The following TAF15 variants were observed in gnomAD, a reference collection of about 807,000 sequenced individuals.
TAF15 encodes TATA-box binding protein associated factor 15, also known as TATA-binding protein-associated factor 2N.
A neutral mutation model predicts 102.5 loss-of-function variants in TAF15; 37 were observed. The ratio of observed to expected loss-of-function variants is 0.36; its 90% confidence interval spans 0.28 to 0.47. The LOEUF (loss-of-function observed/expected upper bound fraction) is 0.47. Among genes scored for constraint, TAF15 ranks in the 20% least tolerant of loss-of-function variants. The pLI is 0.99. For missense variants in TAF15, 652 were observed against 760.7 expected, an observed-to-expected ratio of 0.86 and a Z score of 1.68; for synonymous variants, 273 against 259.2, an observed-to-expected ratio of 1.05 and a Z score of -0.51.
intron 11 of TAF15, among the ~76,000 whole-genome samples, chr17:35,842,000 T>C (rs918491660): frequency 2.0e-5 from 3 of 152,070 alleles, no homozygotes; most frequent in African/African-American, 7.2e-5. Flanking sequence ...ACCTGGCCTT[T>C]TTCTCCACCC....
chr17:35,826,910 C>T (rs1041932101), intron 7 of TAF15, among the ~76,000 whole-genome samples: 16 of 151,300 alleles, frequency 1.1e-4, no homozygotes, highest in Admixed American at 7.9e-4. Context: ...TTTTATGTGT[C>T]ATAACATCTT....
intron 1 of TAF15, among the ~76,000 whole-genome samples, chr17:35,812,733 G>A (rs563799665): frequency 9.9e-5 from 15 of 152,104 alleles, no homozygotes; most frequent in African/African-American, 3.1e-4. Context: ...ACTGAAATGA[G>A]AGTCAATGAC....
rs4251750 is a variant in TAF15, at chr17:35,823,466, G to A, written c.485-612G>A. Reference sequence around the variant, plus strand: ...TGTAATCCCAGCATTTTGGGAGGCCGAGGTGGGCAGATCACGAGGTCAGGA... The same window carrying A: ...TGTAATCCCAGCATTTTGGGAGGCCAAGGTGGGCAGATCACGAGGTCAGGA... On this transcript the variant is annotated intron_variant, in intron 6 of 15. Coordinates refer to ENST00000605844, the MANE Select transcript of TAF15 (RefSeq NM_139215.3). 698 of 167,614 alleles carry A rather than the reference G, an allele frequency of 4.2e-3. 5 individuals carry two copies. The highest frequency in any genetic ancestry group is 6.1e-3 in the South Asian group (41 of 6,678). The allele number at this position is 167,614 out of a possible 1,614,324, so 10.4% of individuals were successfully genotyped here.
chr17:35,825,150 C>T (rs2087310219), intron 7 of TAF15, among the ~76,000 whole-genome samples: 1 of 152,190 alleles, frequency 6.6e-6, no homozygotes, highest in Non-Finnish European at 1.5e-5. Context: ...ACCAGTTGCC[C>T]ACAGACTGTT....
chr17:35,832,157 G>C (rs935587579), intron 7 of TAF15, among the ~76,000 whole-genome samples: 5 of 152,188 alleles, frequency 3.3e-5, no homozygotes, highest in Non-Finnish European at 7.3e-5. Context: ...TCTCAACTCT[G>C]TTGGCTTCCC....
Position 35,822,950 on chromosome 17 carries a change from G to A in TAF15, c.484+117G>A, listed in dbSNP as rs539614087. On this transcript the variant is annotated intron_variant, in intron 6 of 15. Transcript: ENST00000605844. ...GTTTGTAAAAATTTAGGGTAACCTT[G>A]AAGATATGTTCCCTCTCATGGTAAT... The A allele has an allele frequency of 3.6e-5, 44 of 1,234,366 alleles. 1 individual carries two copies. In the African/African-American group the frequency reaches 6.2e-4, roughly 17 times the overall value. The allele number at this position is 1,234,366 out of a possible 1,614,324, so 76.5% of individuals were successfully genotyped here.
chr17:35,826,121 A>G (rs1403864778), intron 7 of TAF15, among the ~76,000 whole-genome samples: 1 of 152,202 alleles, frequency 6.6e-6, no homozygotes, highest in South Asian at 2.1e-4. Context: ...CATACTTCAT[A>G]TAATTTGTGG....
At chr17:35,814,689 T>C (rs1032894715) in intron 1 of TAF15, among the ~76,000 whole-genome samples, 9 of 151,676 alleles carry the variant, frequency 5.9e-5, no homozygotes, top group Admixed American at 2.6e-4. Flanking sequence ...TCCATCTCTA[T>C]TAAAAATACA....
At chr17:35,833,424 T>C (rs1260911207) in intron 7 of TAF15, 1 of 154,270 alleles carries the variant, frequency 6.5e-6, no homozygotes, top group Non-Finnish European at 1.4e-5. Flanking sequence ...AAAATTCATC[T>C]CATAAAATCC....
chr17:35,834,507 T>G, intron 8 of TAF15, 59 bp from the exon 9 acceptor site: 3 of 1,543,892 alleles, frequency 1.9e-6, no homozygotes, highest in Non-Finnish European at 2.7e-6. Context: ...CTATTTTTTT[T>G]GTTAATGATT....
chr17:35,814,466 CT>C (rs1049993316), intron 1 of TAF15, among the ~76,000 whole-genome samples: 1 of 151,876 alleles, frequency 6.6e-6, no homozygotes, highest in African/African-American at 2.4e-5. Flanking sequence ...CTGCACCCAG[CT>C]GATTTTTTTT....
chr17:35,831,722 C>T (rs4796112), intron 7 of TAF15, among the ~76,000 whole-genome samples: 21,409 of 152,074 alleles, frequency 0.14, 1,723 homozygotes, highest in East Asian at 0.22. Context: ...TCTTTATCCT[C>T]GGAACTTTAA....
chr17:35,841,843 G>T (rs537287123), intron 11 of TAF15, among the ~76,000 whole-genome samples: 20 of 152,022 alleles, frequency 1.3e-4, no homozygotes, highest in African/African-American at 4.8e-4. Flanking sequence ...GACTACAGGC[G>T]CATGCCACCA....
At chr17:35,826,985 CTGTTT>C (rs894524993) in intron 7 of TAF15, among the ~76,000 whole-genome samples, 2 of 151,684 alleles carry the variant, frequency 1.3e-5, no homozygotes, top group Non-Finnish European at 2.9e-5. Flanking sequence ...TATAGATGCC[CTGTTT>C]TAAGATTTTT....
chr17:35,820,428 C>T lies in TAF15; in HGVS notation c.281C>T (p.Ser94Leu). The T allele has an allele frequency of 1.2e-6, 2 of 1,613,510 alleles. No homozygotes were observed. The highest frequency in any genetic ancestry group is 1.7e-6 in the Non-Finnish European group (2 of 1,179,586). The change falls in exon 5 of 16, where the codon TCA becomes TTA. Residue 94 changes from serine (S) to leucine (L), a missense_variant. Ser to Leu is a moderately radical substitution (Grantham distance 145, BLOSUM62 -2). Around this residue, in one of 3 missense-constraint regions of TAF15, gnomAD observed 243 missense variants for 284.1 expected, o/e 0.86. Transcript: ENST00000605844. The part of the protein sequence containing the change: ...NNQGQQQNME[S>L]SGSQGGRAPS... Reference sequence around the variant, plus strand: ...CAGGGACAGCAGCAAAACATGGAATCATCAGGAAGGTAAGGAAATAGTAAA... The same window carrying T: ...CAGGGACAGCAGCAAAACATGGAATTATCAGGAAGGTAAGGAAATAGTAAA...
chr17:35,823,454 T>A (rs561891442), intron 6 of TAF15, among the ~76,000 whole-genome samples: 1 of 151,836 alleles, frequency 6.6e-6, no homozygotes, highest in Non-Finnish European at 1.5e-5. Context: ...AATCCCAGCA[T>A]TTTGGGAGGC....
intron 7 of TAF15, among the ~76,000 whole-genome samples, chr17:35,830,776 T>G (rs1403080569): frequency 6.6e-6 from 1 of 152,178 alleles, no homozygotes; most frequent in African/African-American, 2.4e-5. Flanking sequence ...ATGAATTACT[T>G]GGGGGATCTT....
Position 35,809,524 on chromosome 17 carries a change from G to C in TAF15, c.-46G>C, listed in dbSNP as rs770198221. The C allele has an allele frequency of 1.9e-6, 3 of 1,612,424 alleles. No individual in the cohort carries two copies. Among genetic ancestry groups the C allele is most frequent in the Middle Eastern group, 1.8e-4 (1 of 5,674 alleles). ...GCCGCGCCGCCTGGCTTTCGTATTC[G>C]TTGTTCTCGGCGGGCTGTGGGGCCT... On this transcript the variant is annotated 5_prime_UTR_variant, in exon 1 of 16. Coordinates refer to ENST00000605844, the MANE Select transcript of TAF15 (RefSeq NM_139215.3).
At position 35,824,067 on chromosome 17, in the gene TAF15, C is replaced by T. The variant is rs752521986; in HGVS notation, c.485-11C>T. The T allele has an allele frequency of 3.5e-5, 57 of 1,613,812 alleles. No homozygotes were observed. Among genetic ancestry groups the T allele is most frequent in the Admixed American group, 2.0e-4 (12 of 59,978 alleles). ...AGTGGTTATTTGTGTGTAATATTTT[C>T]TTTTTTGTAGATGACCGTCGTGATG... On this transcript the variant is annotated splice_polypyrimidine_tract_variant and intron_variant, in intron 6 of 15. Coordinates refer to ENST00000605844, the MANE Select transcript of TAF15 (RefSeq NM_139215.3).
Sources: allele counts gnomAD v4.1 joint callset (sites outside exome capture counted in the v4.1 genomes callset), GRCh38; gene constraint gnomAD v4.1.1; regional missense constraint gnomAD v4.1.1; transcripts MANE v1.5; gene names NCBI Gene and HGNC (gene_info 2026-07-23, HGNC 2026-07-21).